The following LCLAT1 variants were observed in gnomAD, a reference collection of about 807,000 sequenced individuals.
LCLAT1 encodes lysocardiolipin acyltransferase 1, also known as 1-AGP acyltransferase 8.
LCLAT1 carries 11 observed loss-of-function variants against 30.7 expected under a neutral mutation model. That is an observed-to-expected ratio of 0.36 (90% CI 0.23 to 0.59). The LOEUF (loss-of-function observed/expected upper bound fraction) is 0.59. LCLAT1 is among the 20% of genes least tolerant of loss of function. The probability of loss-of-function intolerance (pLI) is 0.77; values close to 1 mark genes in which losing one functional copy is unlikely to be tolerated. For synonymous variants in LCLAT1, 155 were observed against 151.3 expected, an observed-to-expected ratio of 1.02 and a Z score of -0.18; for missense variants, 402 against 458.6, an observed-to-expected ratio of 0.88 and a Z score of 1.13.
Position 30,643,590 on chromosome 2 carries a change from T to C in LCLAT1, c.*2971T>C, listed in dbSNP as rs1669425825. ...ATTCAACAGCACCATGTTAGAAATA[T>C]ATTGGCAGCCAAGACTCTGAACTCT... On this transcript the variant is annotated 3_prime_UTR_variant, in exon 6 of 6. Transcript: ENST00000379509. 6.6e-6 allele frequency: 1 copy of C among 152,544 alleles called. No homozygotes were observed. The highest frequency in any genetic ancestry group is 2.4e-5 in the African/African-American group (1 of 41,418). The allele number at this position is 152,544 out of a possible 1,614,324, so 9.4% of individuals were successfully genotyped here. A position where few individuals can be genotyped will look rare whatever the true frequency, so the allele number is the denominator to read the frequency against.
At chr2:30,553,751 C>G (rs1456985607) in intron 3 of LCLAT1, among the ~76,000 whole-genome samples, 11 of 151,942 alleles carry the variant, frequency 7.2e-5, no homozygotes, top group Non-Finnish European at 1.0e-4. Flanking sequence ...GGAAGCGGAG[C>G]TTGCAGTGAG....
chr2:30,448,688 A>T (rs776233555), intron 1 of LCLAT1, among the ~76,000 whole-genome samples: 1 of 152,180 alleles, frequency 6.6e-6, no homozygotes, highest in Non-Finnish European at 1.5e-5. Context: ...GTTGCTGACA[A>T]CCAGGAGGAA....
chr2:30,608,174 A>C (rs1028782332), intron 5 of LCLAT1, among the ~76,000 whole-genome samples: 4 of 151,754 alleles, frequency 2.6e-5, no homozygotes, highest in Non-Finnish European at 5.9e-5. Context: ...TACAAATATT[A>C]GCTGGGCGTG....
In LCLAT1 at chr2:30,640,749, T is replaced by C; in HGVS notation, c.*130T>C. ...CTGCCATCATTATTTGTTAAAGATA[T>C]TTTGCACTTAATTTTGTGGGAAAAA... On this transcript the variant is annotated 3_prime_UTR_variant, in exon 6 of 6. Transcript: ENST00000379509. 3 of 1,181,798 alleles carry C rather than the reference T, an allele frequency of 2.5e-6. No homozygotes were observed. Among genetic ancestry groups the C allele is most frequent in the South Asian group, 1.6e-5 (1 of 60,880 alleles). 73.2% of individuals were successfully genotyped at this position (1,181,798 alleles called of 1,614,324 possible). A position where few individuals can be genotyped will look rare whatever the true frequency, so the allele number is the denominator to read the frequency against.
chr2:30,613,577 AGGGGAACC>A (rs1667845140), intron 5 of LCLAT1, among the ~76,000 whole-genome samples: 1 of 145,112 alleles, frequency 6.9e-6, no homozygotes, highest in African/African-American at 2.6e-5. Context: ...GAAAGAAATA[AGGGGAACC>A]GGGGAACCAG....
chr2:30,625,529 C>A (rs891336071), intron 5 of LCLAT1, among the ~76,000 whole-genome samples: 4 of 152,172 alleles, frequency 2.6e-5, no homozygotes, highest in African/African-American at 9.7e-5. Flanking sequence ...ATCCCATCTT[C>A]AGCCAAATTT....
At chr2:30,572,640 G>T (rs1455519434) in intron 5 of LCLAT1, among the ~76,000 whole-genome samples, 1 of 151,982 alleles carries the variant, frequency 6.6e-6, no homozygotes, top group Non-Finnish European at 1.5e-5. Flanking sequence ...TTTGATTCCA[G>T]TGCTCATGTT....
At position 30,530,667 on chromosome 2, in the gene LCLAT1, T is replaced by C. The variant is rs1235259917; in HGVS notation, c.166-2449T>C. Reference sequence around the variant, plus strand: ...CTCGAGTAATCCTTCTGCCTCAGCCTCCTGCGTAGCTAAGGCTCTGGGCAT... The same window carrying C: ...CTCGAGTAATCCTTCTGCCTCAGCCCCCTGCGTAGCTAAGGCTCTGGGCAT... On this transcript the variant is annotated intron_variant, in intron 2 of 5. Coordinates refer to ENST00000379509, the MANE Select transcript of LCLAT1 (RefSeq NM_001002257.3). Among the ~76,000 whole-genome samples the C allele has an allele frequency of 3.3e-5, 5 of 152,184 alleles. No individual in the cohort carries two copies. The East Asian group carries it at 9.6e-4, about 29-fold the overall frequency.
chr2:30,453,958 C>T (rs1052683105), intron 1 of LCLAT1, among the ~76,000 whole-genome samples: 5 of 152,170 alleles, frequency 3.3e-5, no homozygotes, highest in African/African-American at 1.2e-4. Flanking sequence ...AAAGAAGGTA[C>T]GGGGCATGGA....
intron 1 of LCLAT1, among the ~76,000 whole-genome samples, chr2:30,487,487 G>C (rs141170245): frequency 1.3e-5 from 2 of 152,234 alleles, no homozygotes; most frequent in East Asian, 3.9e-4. Context: ...TTTACAGTGT[G>C]TCATGTTCTG....
intron 1 of LCLAT1, among the ~76,000 whole-genome samples, chr2:30,517,458 C>T (rs768247576): frequency 5.3e-5 from 8 of 152,216 alleles, no homozygotes; most frequent in Non-Finnish European, 1.2e-4. Flanking sequence ...TCTCCTCCCC[C>T]AATTTCTACC....
At chr2:30,609,447 T>G (rs973657522) in intron 5 of LCLAT1, among the ~76,000 whole-genome samples, 2 of 152,190 alleles carry the variant, frequency 1.3e-5, no homozygotes, top group Non-Finnish European at 2.9e-5. Flanking sequence ...CAGTGTGTAC[T>G]TAATCTGTTA....
intron 5 of LCLAT1, among the ~76,000 whole-genome samples, chr2:30,588,515 C>G (rs958276671): frequency 1.3e-5 from 2 of 152,188 alleles, no homozygotes; most frequent in Non-Finnish European, 2.9e-5. Flanking sequence ...CCTAACCAGA[C>G]TCTGAGGCCT....
chr2:30,636,341 A>T (rs1669023745), intron 5 of LCLAT1, among the ~76,000 whole-genome samples: 1 of 152,202 alleles, frequency 6.6e-6, no homozygotes, highest in Non-Finnish European at 1.5e-5. Context: ...ATTTACCCTG[A>T]CTACTATGTT....
chr2:30,635,565 T>C (rs1407699603), intron 5 of LCLAT1, among the ~76,000 whole-genome samples: 2 of 152,196 alleles, frequency 1.3e-5, no homozygotes, highest in African/African-American at 2.4e-5. Context: ...TTCTAGATTT[T>C]AAACAAGCAA....
At chr2:30,592,417 G>A (rs142242936) in intron 5 of LCLAT1, among the ~76,000 whole-genome samples, 48 of 152,232 alleles carry the variant, frequency 3.2e-4, no homozygotes, top group African/African-American at 9.6e-4. Flanking sequence ...TTGGGAGGTC[G>A]AGGCTGCAGT....
chr2:30,629,408 A>T (rs1222518569), intron 5 of LCLAT1, among the ~76,000 whole-genome samples: 1 of 152,098 alleles, frequency 6.6e-6, no homozygotes. Flanking sequence ...AAAAATACAA[A>T]AATTAGCCGG....
At chr2:30,562,052 A>C in intron 3 of LCLAT1, 94 bp from the exon 4 acceptor site, 1 of 784,462 alleles carries the variant, frequency 1.3e-6, no homozygotes, top group East Asian at 2.8e-5. Context: ...TAAATAATAT[A>C]TAGTAAAACC....
intron 3 of LCLAT1, among the ~76,000 whole-genome samples, chr2:30,550,604 G>C (rs1217681664): frequency 6.6e-6 from 1 of 152,184 alleles, no homozygotes; most frequent in Non-Finnish European, 1.5e-5. Context: ...TCTCATGTCA[G>C]AGGTTCATGA....
Sources: gnomAD v4.1 joint callset for allele counts (sites outside exome capture counted in the v4.1 genomes callset) on GRCh38, gnomAD v4.1.1 for gene constraint, MANE v1.5 for transcripts, NCBI Gene and HGNC (gene_info 2026-07-23, HGNC 2026-07-21) for gene names.